FMO2: variants seen among roughly 807,000 people sequenced by gnomAD.
The protein encoded by FMO2 is flavin containing dimethylaniline monoxygenase 2, also known as flavin-containing monooxygenase 2.
FMO2 carries 33 observed loss-of-function variants against 41.6 expected under a neutral mutation model. The ratio of observed to expected loss-of-function variants is 0.79; its 90% CI spans 0.60 to 1.06. FMO2 has a LOEUF of 1.06. FMO2 is among the 50% of genes least tolerant of loss of function. The probability of loss-of-function intolerance (pLI) is 0.00; values close to 1 mark genes in which losing one functional copy is unlikely to be tolerated. For synonymous variants in FMO2, 214 were observed against 219.6 expected, an observed-to-expected ratio of 0.97 and a Z score of 0.23; for missense variants, 619 against 632.9, an observed-to-expected ratio of 0.98 and a Z score of 0.23.
At position 171,208,959 on chromosome 1, in the gene FMO2, C is replaced by G. The variant is rs765665223; in HGVS notation, c.1422C>G (p.Arg474=). ...GACCCTGCAACTCCTATCAGTATCG[C>G]CTGGTTGGGCCTGGGCAATGGGAAG... The part of the protein sequence containing the change: ...YFGPCNSYQY[R]LVGPGQWEGA... Residue 474 remains arginine, a synonymous_variant, in exon 9 of 9, where the codon CGC becomes CGG. Transcript: ENST00000209929. 6.2e-7 allele frequency: 1 copy of G among 1,612,156 alleles called. No homozygotes were observed. Among genetic ancestry groups the G allele is most frequent in the Non-Finnish European group, 8.5e-7 (1 of 1,178,986 alleles).
intron 5 of FMO2, among the ~76,000 whole-genome samples, chr1:171,200,374 G>A (rs1393440754): frequency 3.3e-5 from 5 of 152,094 alleles, no homozygotes; most frequent in Admixed American, 2.6e-4. Context: ...AGGCAAAGAA[G>A]GGAAAATCAC....
intron 2 of FMO2, among the ~76,000 whole-genome samples, chr1:171,190,845 C>T (rs1206901508): frequency 1.3e-5 from 2 of 152,136 alleles, no homozygotes; most frequent in African/African-American, 4.8e-5. Flanking sequence ...ATTAACCCAA[C>T]AATAAAAGTT....
intron 8 of FMO2, 105 bp from the exon 9 acceptor site, chr1:171,208,689 C>G (rs2102018462): frequency 9.6e-7 from 1 of 1,041,234 alleles, no homozygotes; most frequent in Non-Finnish European, 1.4e-6. Flanking sequence ...AAAACTCATT[C>G]ACATATTCAC....
Position 171,201,010 on chromosome 1 carries a change from T to A in FMO2, c.627+1522T>A, listed in dbSNP as rs941155014. ...ATCTCTTCATTCCAAAGATATCAAATCTTAGATGGCAAGAACCAGTTCCTT... is the reference window on the plus strand; with the variant it reads ...ATCTCTTCATTCCAAAGATATCAAAACTTAGATGGCAAGAACCAGTTCCTT... On this transcript the variant is annotated intron_variant, in intron 5 of 8. Coordinates refer to ENST00000209929, the MANE Select transcript of FMO2 (RefSeq NM_001460.5). Among the ~76,000 whole-genome samples, 17 of 152,294 alleles carry A rather than the reference T, an allele frequency of 1.1e-4. 1 individual carries two copies. The highest frequency in any genetic ancestry group is 6.5e-4 in the Admixed American group (10 of 15,284).
In FMO2 at chr1:171,207,744, A is replaced by T. The variant is rs1027497222; in HGVS notation, c.1210A>T (p.Thr404Ser). The change falls in exon 8 of 9, where the codon ACT becomes TCT. Residue 404 changes from threonine to serine, a missense_variant. By Grantham distance (58) the Thr-to-Ser change is moderately conservative. Coordinates refer to ENST00000209929, the MANE Select transcript of FMO2 (RefSeq NM_001460.5). ...CTTGTGTAGCCTGCCCTCAGAGAGAACTATGATGATGGACATTATCAAAAG... is the reference window on the plus strand; with the variant it reads ...CTTGTGTAGCCTGCCCTCAGAGAGATCTATGATGATGGACATTATCAAAAG... Reference protein sequence around the residue: ...KGLCSLPSERTMMMDIIKRNE... With the variant: ...KGLCSLPSERSMMMDIIKRNE... 6.2e-7 allele frequency: 1 copy of T among 1,611,386 alleles called. No homozygotes were observed. Among genetic ancestry groups the T allele is most frequent in the East Asian group, 2.2e-5 (1 of 44,852 alleles).
At chr1:171,185,922 T>C (rs1657828316) in intron 2 of FMO2, 77 bp downstream of exon 2, 2 of 1,402,532 alleles carry the variant, frequency 1.4e-6, no homozygotes, top group South Asian at 2.5e-5. Context: ...ATGGGTCATA[T>C]TGAGAAATTT....
intron 4 of FMO2, among the ~76,000 whole-genome samples, chr1:171,197,331 G>C (rs1658345793): frequency 6.6e-6 from 1 of 152,166 alleles, no homozygotes; most frequent in Admixed American, 6.5e-5. Flanking sequence ...TAATATAGTG[G>C]TTCATAGTCC....
Position 171,203,947 on chromosome 1 carries a change from C to G in FMO2, c.710C>G (p.Thr237Ser). Residue 237 changes from threonine to serine, a missense_variant, in exon 6 of 9, where the codon ACC becomes AGC. Transcript: ENST00000209929. The part of the protein sequence containing the change: ...DGYPWDSVFH[T>S]RFRSMLRNVL... The stretch of plus-strand genomic sequence containing the variant: ...TATCCTTGGGACTCAGTGTTCCACA[C>G]CCGGTTTCGTTCTATGCTCCGCAAT... 6.2e-7 allele frequency: 1 copy of G among 1,613,726 alleles called. No homozygotes were observed. The highest frequency in any genetic ancestry group is 8.5e-7 in the Non-Finnish European group (1 of 1,179,768).
intron 2 of FMO2, chr1:171,186,411 T>G (rs562921121): frequency 6.6e-6 from 1 of 152,490 alleles, no homozygotes; most frequent in East Asian, 1.9e-4. Flanking sequence ...CATGCTGCTA[T>G]GAAGAAATAC....
intron 7 of FMO2, 28 bp downstream of exon 7, chr1:171,205,662 A>C (rs1658734224): frequency 7.1e-7 from 1 of 1,414,210 alleles, no homozygotes; most frequent in East Asian, 2.3e-5. Flanking sequence ...TGAGTGGCTA[A>C]GCGTTTCAGA....
At chr1:171,186,829 A>G (rs1657874027) in intron 2 of FMO2, among the ~76,000 whole-genome samples, 1 of 152,184 alleles carries the variant, frequency 6.6e-6, no homozygotes, top group African/African-American at 2.4e-5. Context: ...GTAGCTTACC[A>G]CCTTCTAGCT....
intron 3 of FMO2, among the ~76,000 whole-genome samples, chr1:171,195,360 T>C (rs555659070): frequency 6.6e-6 from 1 of 152,286 alleles, no homozygotes; most frequent in African/African-American, 2.4e-5. Context: ...GGTTCTAATT[T>C]AATAGGTATG....
Position 171,211,471 on chromosome 1 carries a change from T to C in FMO2, c.*2326T>C, listed in dbSNP as rs989114085. On this transcript the variant is annotated 3_prime_UTR_variant, in exon 9 of 9. Transcript: ENST00000209929. ...GTAGCTATGGTTGTTATCTTACTTC[T>C]ACAGTGGAAGAGATTGAAAAGCATT... Among the ~76,000 whole-genome samples, 1 of 151,350 alleles carries C rather than the reference T, an allele frequency of 6.6e-6. No individual in the cohort carries two copies. The highest frequency in any genetic ancestry group is 1.5e-5 in the Non-Finnish European group (1 of 68,038).
chr1:171,193,525 T>TTCCTGACATATGCCA lies in FMO2; in HGVS notation c.321+2_321+3insTCCTGACATATGCCA. 1.3e-6 allele frequency: 2 copies of TTCCTGACATATGCCA among 1,581,562 alleles called. No individual in the cohort carries two copies. Among genetic ancestry groups the TTCCTGACATATGCCA allele is most frequent in the Non-Finnish European group, 1.7e-6 (2 of 1,155,298 alleles). Reference sequence around the variant, plus strand: ...CTGCTAAAATATATTCAGTTCCAGGTATTGTATTTTTGGGGAAATGGGTTT... The same window carrying TTCCTGACATATGCCA: ...CTGCTAAAATATATTCAGTTCCAGGTTCCTGACATATGCCAATTGTATTTTTGGGGAAATGGGTTT... On this transcript the variant is annotated splice_region_variant and intron_variant, in intron 3 of 8. Coordinates refer to ENST00000209929, the MANE Select transcript of FMO2 (RefSeq NM_001460.5).
At chr1:171,203,323 T>TCACACACA (rs10628039) in intron 5 of FMO2, among the ~76,000 whole-genome samples, 2,266 of 144,002 alleles carry the variant, frequency 0.016, 41 homozygotes, top group African/African-American at 0.045. Context: ...AGACCCTGTC[T>TCACACACA]CACACACACA....
chr1:171,200,567 C>A (rs1658493796), intron 5 of FMO2, among the ~76,000 whole-genome samples: 1 of 152,194 alleles, frequency 6.6e-6, no homozygotes, highest in East Asian at 1.9e-4. Flanking sequence ...TACCCAGTGG[C>A]AAAAGTTACA....
chr1:171,208,891 C>G lies in FMO2; in HGVS notation c.1354C>G (p.Leu452Val). The G allele has an allele frequency of 1.2e-6, 2 of 1,614,032 alleles. No individual in the cohort carries two copies. Among genetic ancestry groups the G allele is most frequent in the African/African-American group, 1.3e-5 (1 of 75,036 alleles). Reference sequence around the variant, plus strand: ...AGGTGCGAAGCCAGATTTCTGCTCTCTCTTGTTCAAAGATCCTAAACTGGC... The same window carrying G: ...AGGTGCGAAGCCAGATTTCTGCTCTGTCTTGTTCAAAGATCCTAAACTGGC... ...EIGAKPDFCS[L>V]LFKDPKLAVR... The change falls in exon 9 of 9, where the codon CTC becomes GTC. Residue 452 changes from leucine (L) to valine (V), a missense_variant. Coordinates refer to ENST00000209929, the MANE Select transcript of FMO2 (RefSeq NM_001460.5).
intron 2 of FMO2, among the ~76,000 whole-genome samples, chr1:171,187,766 C>T (rs1370631936): frequency 6.6e-6 from 1 of 151,410 alleles, no homozygotes; most frequent in African/African-American, 2.4e-5. Context: ...AATTGTTACA[C>T]AAACACCTAA....
rs2101987514 is a variant in FMO2, at chr1:171,193,503, C to T, written c.301C>T (p.Leu101=). The change falls in exon 3 of 9, where the codon CTA becomes TTA. Residue 101 remains leucine (L), a synonymous_variant. Transcript: ENST00000209929. ...GATTTTTGCTAAAAAATTTGATCTG[C>T]TAAAATATATTCAGTTCCAGGTATT... ...FRIFAKKFDL[L]KYIQFQTTVL... 1.2e-6 allele frequency: 2 copies of T among 1,604,558 alleles called. No homozygotes were observed. Among genetic ancestry groups the T allele is most frequent in the South Asian group, 1.1e-5 (1 of 90,762 alleles).
Sources: allele counts gnomAD v4.1 joint callset (sites outside exome capture counted in the v4.1 genomes callset), GRCh38; gene constraint gnomAD v4.1.1; transcripts MANE v1.5; gene names NCBI Gene and HGNC (gene_info 2026-07-23, HGNC 2026-07-21).